The following GPR107 variants were observed in gnomAD, a reference collection of about 807,000 sequenced individuals.
GPR107 encodes protein GPR107.
In GPR107, 31 loss-of-function variants were observed where a neutral mutation model predicts 75.5. That is an observed-to-expected ratio of 0.41 (90% confidence interval 0.31 to 0.55). The LOEUF is 0.55. Among genes scored for constraint, GPR107 ranks in the 20% least tolerant of loss-of-function variants. The pLI, the probability that GPR107 is intolerant of heterozygous loss-of-function variation, is 0.26. For synonymous variants in GPR107, 267 were observed against 251.3 expected (o/e 1.06, Z -0.59); for missense variants, 572 against 665.7 (o/e 0.86, Z 1.55).
At chr9:130,096,845 CGTT>C (rs756715566) in intron 9 of GPR107, among the ~76,000 whole-genome samples, 1 of 152,198 alleles carries the variant, frequency 6.6e-6, no homozygotes, top group Non-Finnish European at 1.5e-5. Context: ...TATCTATAGA[CGTT>C]GTTGTACATT....
rs753327084 is a variant in GPR107, at chr9:130,135,513, G to A, written c.*392G>A. 1.8e-4 allele frequency: 30 copies of A among 169,346 alleles called. No homozygotes were observed. Among genetic ancestry groups the A allele is most frequent in the Non-Finnish European group, 3.7e-4 (29 of 78,674 alleles). 10.5% of individuals were successfully genotyped at this position (169,346 alleles called of 1,614,324 possible). ...GCTGGTGGAGGGGGAAGGAGGGTGC[G>A]AGGTGTCTGTCTGATGCTTTAGGAA... On this transcript the variant is annotated 3_prime_UTR_variant, in exon 18 of 18. Transcript: ENST00000347136.
Position 130,108,878 on chromosome 9 carries a change from T to G in GPR107, c.1306+1339T>G. The G allele has an allele frequency of 3.1e-5, 13 of 421,154 alleles. 1 individual carries two copies. Among genetic ancestry groups the G allele is most frequent in the South Asian group, 2.2e-4 (13 of 57,874 alleles). The allele number at this position is 421,154 out of a possible 1,614,324, so 26.1% of individuals were successfully genotyped here. ...CTTTAAGCAGGAGTCACAGAGCTTT[T>G]GCTTCTAGCCGGGCTACATAGCCTT... On this transcript the variant is annotated intron_variant, in intron 14 of 17. Transcript: ENST00000347136.
chr9:130,064,373 A>AT (rs1223974968), intron 1 of GPR107, among the ~76,000 whole-genome samples: 4 of 141,192 alleles, frequency 2.8e-5, no homozygotes, highest in South Asian at 2.3e-4. Context: ...AATTTTTTGT[A>AT]TTTTTTTTAG....
At position 130,107,507 on chromosome 9, in the gene GPR107, A is replaced by G; in HGVS notation, c.1274A>G (p.His425Arg). The change falls in exon 14 of 18, where the codon CAT (histidine) becomes CGT (arginine). Residue 425 changes from histidine to arginine, a missense_variant. His to Arg is a conservative substitution (Grantham distance 29). Transcript: ENST00000347136. ...ATGTTTATTTTTAGGTCAATCAGACATTTACAAGAAGCATCAGCAACAGAT... is the reference window on the plus strand; with the variant it reads ...ATGTTTATTTTTAGGTCAATCAGACGTTTACAAGAAGCATCAGCAACAGAT... ...ILFPVVWSIR[H>R]LQEASATDGK... 1 of 1,593,824 alleles carries G rather than the reference A, an allele frequency of 6.3e-7. No individual in the cohort carries two copies. The highest frequency in any genetic ancestry group is 8.6e-7 in the Non-Finnish European group (1 of 1,161,342).
intron 4 of GPR107, 119 bp downstream of exon 4, chr9:130,077,497 A>C: frequency 1.5e-6 from 1 of 665,054 alleles, no homozygotes; most frequent in South Asian, 1.7e-5. Context: ...AGTGCTGGAG[A>C]TTCAAGACAA....
chr9:130,123,530 C>CTTTTTTTTTTTT, intron 14 of GPR107, among the ~76,000 whole-genome samples: 1 of 127,156 alleles, frequency 7.9e-6, no homozygotes, highest in Non-Finnish European at 1.7e-5. Flanking sequence ...CTTTTCTTTT[C>CTTTTTTTTTTTT]TTTTTTTTTT....
intron 13 of GPR107, among the ~76,000 whole-genome samples, chr9:130,105,831 A>G (rs1250108898): frequency 6.7e-6 from 1 of 150,110 alleles, no homozygotes; most frequent in Non-Finnish European, 1.5e-5. Flanking sequence ...TACCATACCC[A>G]GCCAATTTTT....
At chr9:130,075,802 A>C in intron 2 of GPR107, 53 bp downstream of exon 2, 4 of 605,680 alleles carry the variant, frequency 6.6e-6, no homozygotes, top group Non-Finnish European at 1.1e-5. Context: ...TTTTTTTTTG[A>C]GATGGAGTCT....
chr9:130,127,570 C>G lies in GPR107; in HGVS notation c.1440+4C>G. 3 of 1,520,912 alleles carry G rather than the reference C, an allele frequency of 2.0e-6. No homozygotes were observed. The highest frequency in any genetic ancestry group is 2.7e-6 in the Non-Finnish European group (3 of 1,094,984). The allele number at this position is 1,520,912 out of a possible 1,614,324, so 94.2% of individuals were successfully genotyped here. A position where few individuals can be genotyped will look rare whatever the true frequency, so the allele number is the denominator to read the frequency against. On this transcript the variant is annotated splice_donor_region_variant and intron_variant, in intron 16 of 17. Coordinates refer to ENST00000347136, the MANE Select transcript of GPR107 (RefSeq NM_020960.5). ...CCAGTGGAAGTGGCTCTACCAGGTACGCTGCTCACAGGGCAGAATGCCAGA... is the reference window on the plus strand; with the variant it reads ...CCAGTGGAAGTGGCTCTACCAGGTAGGCTGCTCACAGGGCAGAATGCCAGA...
intron 17 of GPR107, chr9:130,129,408 C>T (rs3824541): frequency 0.65 from 99,138 of 152,146 alleles, 32,348 homozygotes; most frequent in East Asian, 0.82. Flanking sequence ...AGAGTTTTCC[C>T]TTCTTGGTTC....
chr9:130,055,432 G>C (rs1044823033), intron 1 of GPR107, among the ~76,000 whole-genome samples: 32 of 151,880 alleles, frequency 2.1e-4, no homozygotes, highest in African/African-American at 6.0e-4. Flanking sequence ...GGAGACTGAG[G>C]CAGGAGAATG....
At chr9:130,085,302 T>C (rs73672543) in intron 6 of GPR107, among the ~76,000 whole-genome samples, 1,687 of 152,020 alleles carry the variant, frequency 0.011, 34 homozygotes, top group African/African-American at 0.039. Flanking sequence ...GTTAGGGTCA[T>C]GGGAGGGAAA....
intron 1 of GPR107, among the ~76,000 whole-genome samples, chr9:130,070,953 A>G (rs907082619): frequency 6.6e-6 from 1 of 151,280 alleles, no homozygotes; most frequent in South Asian, 2.1e-4. Context: ...TCCTGTCCTC[A>G]AGTGACCCTC....
intron 4 of GPR107, among the ~76,000 whole-genome samples, chr9:130,078,023 G>A (rs543048135): frequency 6.6e-6 from 1 of 152,224 alleles, no homozygotes; most frequent in East Asian, 1.9e-4. Flanking sequence ...AAATTAGCCG[G>A]GCGTGGTGGT....
intron 9 of GPR107, among the ~76,000 whole-genome samples, chr9:130,097,155 C>CTTTTTTTT (rs71387312): frequency 3.1e-5 from 4 of 130,172 alleles, no homozygotes; most frequent in Non-Finnish European, 3.1e-5. Flanking sequence ...TCTTTTTTTT[C>CTTTTTTTT]TTTTTTTTTT....
At chr9:130,099,050 G>A (rs1830948155) in intron 9 of GPR107, among the ~76,000 whole-genome samples, 3 of 151,972 alleles carry the variant, frequency 2.0e-5, no homozygotes, top group African/African-American at 7.2e-5. Flanking sequence ...AGTGGCTCAT[G>A]CCTGTAATAT....
At chr9:130,093,358 A>G (rs1830788465) in intron 9 of GPR107, among the ~76,000 whole-genome samples, 1 of 152,226 alleles carries the variant, frequency 6.6e-6, no homozygotes, top group Non-Finnish European at 1.5e-5. Flanking sequence ...TATTTATTAT[A>G]AGGCTCATAA....
intron 9 of GPR107, among the ~76,000 whole-genome samples, chr9:130,093,910 G>T (rs1191833817): frequency 6.6e-6 from 1 of 152,118 alleles, no homozygotes; most frequent in Non-Finnish European, 1.5e-5. Flanking sequence ...CCACCTCTGG[G>T]TTCAAGCGAT....
chr9:130,106,939 A>G (rs756778433), intron 13 of GPR107, among the ~76,000 whole-genome samples: 3 of 152,048 alleles, frequency 2.0e-5, no homozygotes, highest in Non-Finnish European at 2.9e-5. Context: ...AATAATGTTA[A>G]TGTTCCTCTG....
Sources: gnomAD v4.1 joint callset for allele counts (sites outside exome capture counted in the v4.1 genomes callset) on GRCh38, gnomAD v4.1.1 for gene constraint, MANE v1.5 for transcripts, NCBI Gene and HGNC (gene_info 2026-07-23, HGNC 2026-07-21) for gene names.